The following LIMS1 variants were observed in gnomAD, a reference collection of about 807,000 sequenced individuals.
LIMS1 encodes LIM and senescent cell antigen-like-containing domain protein 1.
A neutral mutation model predicts 44.1 loss-of-function variants in LIMS1; 18 were observed. That is an observed-to-expected ratio of 0.41 (90% CI 0.28 to 0.61). LIMS1 has a LOEUF of 0.61. LIMS1 is among the 20% of genes least tolerant of loss of function. The probability of loss-of-function intolerance (pLI) is 0.32; values close to 1 mark genes in which losing one functional copy is unlikely to be tolerated. For missense variants in LIMS1, 201 were observed against 422.0 expected (o/e 0.48, Z 4.59); for synonymous variants, 93 against 149.1 (o/e 0.62, Z 2.74).
chr2:108,582,058 A>G (rs1685908358), intron 1 of LIMS1, among the ~76,000 whole-genome samples: 1 of 152,238 alleles, frequency 6.6e-6, no homozygotes, highest in Non-Finnish European at 1.5e-5. Flanking sequence ...AAGTTGATAA[A>G]TGAATTTAGT....
intron 1 of LIMS1, among the ~76,000 whole-genome samples, chr2:108,596,915 G>GTTTTT (rs34313967): frequency 5.8e-5 from 4 of 68,440 alleles, no homozygotes; most frequent in Non-Finnish European, 8.0e-5. Flanking sequence ...CGAAACATCT[G>GTTTTT]TTTTTTTTTT....
At chr2:108,621,414 T>C in intron 1 of LIMS1, 1 of 1,551,188 alleles carries the variant, frequency 6.4e-7, no homozygotes, top group Non-Finnish European at 8.7e-7. Context: ...GAAGACGAGA[T>C]CGCCCCGATA....
chr2:108,571,570 A>G (rs777643664), intron 1 of LIMS1, among the ~76,000 whole-genome samples: 2 of 152,220 alleles, frequency 1.3e-5, no homozygotes, highest in African/African-American at 4.8e-5. Context: ...GTGGGACAAT[A>G]AATAGCCTTA....
chr2:108,670,282 CA>C (rs1692078704), intron 2 of LIMS1, among the ~76,000 whole-genome samples: 3 of 151,860 alleles, frequency 2.0e-5, no homozygotes, highest in African/African-American at 7.2e-5. Context: ...GCCAGGAGTC[CA>C]AGAACTAGCC....
chr2:108,591,802 T>A lies in LIMS1; in HGVS notation c.32+57208T>A, dbSNP rs757555235. On this transcript the variant is annotated intron_variant, in intron 1 of 9. Transcript: ENST00000544547. Reference sequence around the variant, plus strand: ...AAAATGTTTTTAGTTTTTTTTTTTGTTTTTTTTTTTGAGACAGAGTCTCGC... The same window carrying A: ...AAAATGTTTTTAGTTTTTTTTTTTGATTTTTTTTTTGAGACAGAGTCTCGC... Among the ~76,000 whole-genome samples the A allele has an allele frequency of 3.9e-4, 10 of 25,390 alleles. 1 individual carries two copies. The highest frequency in any genetic ancestry group is 3.3e-4 in the Non-Finnish European group (4 of 12,082). 16.7% of individuals were successfully genotyped at this position (25,390 alleles called of 152,430 possible). A position where few individuals can be genotyped will look rare whatever the true frequency, so the allele number is the denominator to read the frequency against.
chr2:108,564,041 C>CAAAA (rs201454363), intron 1 of LIMS1, among the ~76,000 whole-genome samples: 4 of 92,366 alleles, frequency 4.3e-5, no homozygotes, highest in African/African-American at 1.2e-4. Context: ...GACCCTGTCT[C>CAAAA]AAAAAAAAAA....
chr2:108,665,748 A>C (rs1691709094), intron 2 of LIMS1, among the ~76,000 whole-genome samples: 1 of 151,406 alleles, frequency 6.6e-6, no homozygotes, highest in Non-Finnish European at 1.5e-5. Context: ...CTGGTATCGA[A>C]CTCCTGATCT....
chr2:108,561,192 T>C (rs1168976788), intron 1 of LIMS1, among the ~76,000 whole-genome samples: 1 of 152,254 alleles, frequency 6.6e-6, no homozygotes, highest in Non-Finnish European at 1.5e-5. Context: ...ATCTCCAAAC[T>C]GCTTTCCACA....
intron 1 of LIMS1, among the ~76,000 whole-genome samples, chr2:108,635,562 G>A (rs767463076): frequency 5.9e-5 from 9 of 151,910 alleles, no homozygotes; most frequent in South Asian, 2.1e-4. Flanking sequence ...TTAGTCAGGC[G>A]TGGTGGTGGG....
At chr2:108,670,340 T>C (rs1449421247) in intron 2 of LIMS1, among the ~76,000 whole-genome samples, 1 of 149,440 alleles carries the variant, frequency 6.7e-6, no homozygotes, top group Non-Finnish European at 1.5e-5. Context: ...TAAAATACAA[T>C]GTGCTAAAAT....
chr2:108,583,636 G>C (rs1286463200), intron 1 of LIMS1, among the ~76,000 whole-genome samples: 1 of 151,512 alleles, frequency 6.6e-6, no homozygotes, highest in Non-Finnish European at 1.5e-5. Context: ...TTTAAATAAA[G>C]ATCTATGTCC....
chr2:108,659,800 T>A (rs1691208513), intron 2 of LIMS1, 36 bp downstream of exon 2: 1 of 1,612,034 alleles, frequency 6.2e-7, no homozygotes, highest in Non-Finnish European at 8.5e-7. Flanking sequence ...GAGGTGCCAT[T>A]CCCCGCCCTC....
At chr2:108,667,723 C>T (rs1436841898) in intron 2 of LIMS1, among the ~76,000 whole-genome samples, 1 of 151,602 alleles carries the variant, frequency 6.6e-6, no homozygotes, top group Non-Finnish European at 1.5e-5. Context: ...TTCCAGGACA[C>T]CCCCTCCACC....
At chr2:108,580,952 C>T (rs753314742) in intron 1 of LIMS1, among the ~76,000 whole-genome samples, 13 of 152,174 alleles carry the variant, frequency 8.5e-5, no homozygotes, top group Non-Finnish European at 1.9e-4. Flanking sequence ...GCCATCAGGG[C>T]CCTCTCACTC....
chr2:108,633,424 T>G (rs1209647740), intron 1 of LIMS1, among the ~76,000 whole-genome samples: 4 of 152,242 alleles, frequency 2.6e-5, no homozygotes, highest in African/African-American at 9.6e-5. Context: ...CCTCTTATAT[T>G]CAGTCTGAAC....
At chr2:108,623,728 G>A (rs1479416035) in intron 1 of LIMS1, among the ~76,000 whole-genome samples, 1 of 152,210 alleles carries the variant, frequency 6.6e-6, no homozygotes, top group Admixed American at 6.5e-5. Flanking sequence ...ACTGTCTCAA[G>A]TATTGCATAA....
chr2:108,587,650 C>G (rs1015619166), intron 1 of LIMS1, among the ~76,000 whole-genome samples: 5 of 152,152 alleles, frequency 3.3e-5, no homozygotes, highest in Non-Finnish European at 7.3e-5. Flanking sequence ...CAAGGACACC[C>G]TCATTCATGG....
chr2:108,608,877 T>C (rs1687427291), intron 1 of LIMS1, among the ~76,000 whole-genome samples: 1 of 152,138 alleles, frequency 6.6e-6, no homozygotes, highest in Admixed American at 6.5e-5. Flanking sequence ...AATGAAATAG[T>C]ATGTGAAGCA....
At chr2:108,661,611 G>C (rs1315102351) in intron 2 of LIMS1, among the ~76,000 whole-genome samples, 1 of 152,172 alleles carries the variant, frequency 6.6e-6, no homozygotes, top group African/African-American at 2.4e-5. Context: ...GGTAGATTGT[G>C]ATTAGCTGGT....
Sources: gnomAD v4.1 joint callset for allele counts (sites outside exome capture counted in the v4.1 genomes callset) on GRCh38, gnomAD v4.1.1 for gene constraint, MANE v1.5 for transcripts, NCBI Gene and HGNC (gene_info 2026-07-23, HGNC 2026-07-21) for gene names.